Variants in ST6GALNAC3 observed in about 807,000 individuals in gnomAD.
ST6GALNAC3 encodes the protein ST6 N-acetylgalactosaminide alpha-2,6-sialyltransferase 3, also known as alpha-N-acetylgalactosaminide alpha-2,6-sialyltransferase 3.
In ST6GALNAC3, 25 loss-of-function variants were observed where a neutral mutation model predicts 32.7. That is an observed-to-expected ratio of 0.76 (90% confidence interval 0.56 to 1.07). The LOEUF is 1.07. Among genes scored for constraint, ST6GALNAC3 ranks in the 50% least tolerant of loss-of-function variants. The probability of loss-of-function intolerance (pLI) is 0.00; values close to 1 mark genes in which losing one functional copy is unlikely to be tolerated. For synonymous variants in ST6GALNAC3, 129 were observed against 133.1 expected, an observed-to-expected ratio of 0.97 and a Z score of 0.21; for missense variants, 355 against 382.4, an observed-to-expected ratio of 0.93 and a Z score of 0.60.
Position 76,295,624 on chromosome 1 carries a change from A to G in ST6GALNAC3, c.19-18181A>G, listed in dbSNP as rs114472591. 3.1e-3 allele frequency among the ~76,000 whole-genome samples: 469 copies of G among 152,230 alleles called. 2 individuals are homozygous for G. The highest frequency in any genetic ancestry group is 0.017 in the South Asian group (81 of 4,828). On this transcript the variant is annotated intron_variant, in intron 1 of 4. Transcript: ENST00000328299. ...TTCCCACCTTGAATTGAATTGACAT[A>G]GACAGATCAATGGGAGAAAAATGTA...
intron 2 of ST6GALNAC3, among the ~76,000 whole-genome samples, chr1:76,341,554 G>C (rs141682470): frequency 2.0e-3 from 301 of 152,012 alleles, no homozygotes; most frequent in African/African-American, 6.7e-3. Context: ...TAATAGGATT[G>C]CCAGCTGAAT....
At chr1:76,456,107 G>A (rs1049008347) in intron 3 of ST6GALNAC3, among the ~76,000 whole-genome samples, 1 of 152,166 alleles carries the variant, frequency 6.6e-6, no homozygotes, top group Non-Finnish European at 1.5e-5. Context: ...ACGAGGTTGT[G>A]GTTGCAGTGA....
chr1:76,531,349 G>A (rs560016471), intron 3 of ST6GALNAC3, among the ~76,000 whole-genome samples: 2 of 152,316 alleles, frequency 1.3e-5, no homozygotes, highest in South Asian at 4.1e-4. Flanking sequence ...TTTGGAAGCA[G>A]CCTGGGGCAA....
chr1:76,546,423 C>A (rs1009534391), intron 3 of ST6GALNAC3, among the ~76,000 whole-genome samples: 1 of 152,100 alleles, frequency 6.6e-6, no homozygotes, highest in Non-Finnish European at 1.5e-5. Flanking sequence ...CTTATTTAAG[C>A]ATTCTTATTC....
intron 2 of ST6GALNAC3, among the ~76,000 whole-genome samples, chr1:76,376,695 T>C (rs1462889210): frequency 6.6e-6 from 1 of 152,226 alleles, no homozygotes; most frequent in Non-Finnish European, 1.5e-5. Context: ...TCCACAAATC[T>C]GATTTTTAAT....
At chr1:76,518,940 G>A (rs1378556351) in intron 3 of ST6GALNAC3, among the ~76,000 whole-genome samples, 4 of 152,004 alleles carry the variant, frequency 2.6e-5, no homozygotes, top group Admixed American at 6.6e-5. Flanking sequence ...TGTGATGCAC[G>A]CCTATAGCCT....
chr1:76,439,655 A>G (rs1292156840), intron 3 of ST6GALNAC3, among the ~76,000 whole-genome samples: 1 of 152,224 alleles, frequency 6.6e-6, no homozygotes, highest in Non-Finnish European at 1.5e-5. Flanking sequence ...ATGTAGCTAC[A>G]GTTTTTTTTA....
chr1:76,280,773 C>G (rs1415419132), intron 1 of ST6GALNAC3, among the ~76,000 whole-genome samples: 1 of 152,198 alleles, frequency 6.6e-6, no homozygotes, highest in Non-Finnish European at 1.5e-5. Flanking sequence ...GGGCAAGTCA[C>G]TTTATTCTAC....
intron 2 of ST6GALNAC3, among the ~76,000 whole-genome samples, chr1:76,360,635 T>C (rs1396661040): frequency 6.6e-6 from 1 of 152,206 alleles, no homozygotes; most frequent in African/African-American, 2.4e-5. Flanking sequence ...TAATCAATAT[T>C]CCAGTTCTCA....
At chr1:76,483,460 T>A (rs1221780751) in intron 3 of ST6GALNAC3, among the ~76,000 whole-genome samples, 1 of 152,264 alleles carries the variant, frequency 6.6e-6, no homozygotes, top group Non-Finnish European at 1.5e-5. Context: ...TTGATTTACA[T>A]TTCTCTGATG....
chr1:76,313,096 A>G (rs943440703), intron 1 of ST6GALNAC3, among the ~76,000 whole-genome samples: 2 of 152,054 alleles, frequency 1.3e-5, no homozygotes, highest in Non-Finnish European at 2.9e-5. Flanking sequence ...CAAATCCTAT[A>G]GCACAGGCAG....
chr1:76,424,539 A>G (rs763322196), intron 3 of ST6GALNAC3, among the ~76,000 whole-genome samples: 5 of 151,954 alleles, frequency 3.3e-5, no homozygotes, highest in Admixed American at 6.6e-5. Context: ...ATGGTGCTCA[A>G]TAGGAGTAAC....
intron 1 of ST6GALNAC3, among the ~76,000 whole-genome samples, chr1:76,114,790 A>C (rs1648341992): frequency 6.6e-6 from 1 of 151,976 alleles, no homozygotes; most frequent in African/African-American, 2.4e-5. Context: ...ATGCCAGCAC[A>C]TGCCTGTGAT....
chr1:76,322,358 C>A (rs1646983521), intron 2 of ST6GALNAC3, among the ~76,000 whole-genome samples: 2 of 152,088 alleles, frequency 1.3e-5, no homozygotes, highest in South Asian at 4.1e-4. Context: ...TGCTAAGGAT[C>A]AGCAATGAAC....
rs370945974 is a variant in ST6GALNAC3 at position 76,588,027 on chromosome 1, CAG to C, written c.624-39422_624-39421del. Among the ~76,000 whole-genome samples, 295 of 152,292 alleles carry C rather than the reference CAG, an allele frequency of 1.9e-3. 1 individual carries two copies. Among genetic ancestry groups the C allele is most frequent in the African/African-American group, 6.7e-3 (277 of 41,562 alleles). ...GTGGGAAACAGGGATGATGAACATA[CAG>C]AGCACATGTTTCTTCTTTTCCATTT... On this transcript the variant is annotated intron_variant, in intron 3 of 4. Coordinates refer to ENST00000328299, the MANE Select transcript of ST6GALNAC3 (RefSeq NM_152996.4).
chr1:76,154,244 C>T (rs1557658292), intron 1 of ST6GALNAC3, among the ~76,000 whole-genome samples: 2 of 152,224 alleles, frequency 1.3e-5, no homozygotes. Flanking sequence ...ACCCCGTAGC[C>T]GGTGGTGCAT....
intron 3 of ST6GALNAC3, among the ~76,000 whole-genome samples, chr1:76,566,516 T>C (rs79560393): frequency 0.012 from 1,890 of 152,186 alleles, 39 homozygotes; most frequent in African/African-American, 0.043. Context: ...ACACTGCCTC[T>C]TTCTTATTCC....
intron 2 of ST6GALNAC3, among the ~76,000 whole-genome samples, chr1:76,403,512 G>C (rs112526559): frequency 6.6e-6 from 1 of 151,962 alleles, no homozygotes; most frequent in Non-Finnish European, 1.5e-5. Flanking sequence ...TCAAACCTAG[G>C]CATCTATTGG....
At chr1:76,268,020 C>T (rs560328121) in intron 1 of ST6GALNAC3, among the ~76,000 whole-genome samples, 163 of 152,286 alleles carry the variant, frequency 1.1e-3, no homozygotes, top group Middle Eastern at 3.4e-3. Flanking sequence ...AGAGTCCGTT[C>T]CCTATAGGAC....
Sources: gnomAD v4.1 joint callset for allele counts (sites outside exome capture counted in the v4.1 genomes callset) on GRCh38, gnomAD v4.1.1 for gene constraint, MANE v1.5 for transcripts, NCBI Gene and HGNC (gene_info 2026-07-23, HGNC 2026-07-21) for gene names.